CNTN5: variants seen among roughly 807,000 people sequenced by gnomAD.
CNTN5 encodes the protein contactin-5.
A neutral mutation model predicts 129.1 loss-of-function variants in CNTN5; 77 were observed. The ratio of observed to expected loss-of-function variants is 0.60; its 90% CI spans 0.50 to 0.72. CNTN5 has a LOEUF of 0.72. CNTN5 is among the 30% of genes least tolerant of loss of function. The probability of loss-of-function intolerance (pLI) is 0.00; values close to 1 mark genes in which losing one functional copy is unlikely to be tolerated. For missense variants in CNTN5, 1,478 were observed against 1,328.8 expected, an observed-to-expected ratio of 1.11 and a Z score of -1.75; for synonymous variants, 509 against 465.6, an observed-to-expected ratio of 1.09 and a Z score of -1.20.
At chr11:99,621,970 T>C (rs1292231220) in intron 3 of CNTN5, among the ~76,000 whole-genome samples, 1 of 152,174 alleles carries the variant, frequency 6.6e-6, no homozygotes, top group Non-Finnish European at 1.5e-5. Context: ...GACTGAATTC[T>C]CTAACATCAT....
At chr11:100,239,762 C>T (rs1949697702) in intron 16 of CNTN5, among the ~76,000 whole-genome samples, 1 of 152,060 alleles carries the variant, frequency 6.6e-6, no homozygotes. Context: ...GACAAACATA[C>T]AAAATCTCAA....
chr11:100,096,423 G>A (rs980530657), intron 13 of CNTN5, among the ~76,000 whole-genome samples: 2 of 151,970 alleles, frequency 1.3e-5, no homozygotes, highest in African/African-American at 2.4e-5. Flanking sequence ...CGTATTCTGG[G>A]ATAGTCCGTC....
At position 100,255,808 on chromosome 11, in the gene CNTN5, G is replaced by A. The variant is rs755580163; in HGVS notation, c.2054G>A (p.Ser685Asn). 3.7e-6 allele frequency: 6 copies of A among 1,613,890 alleles called. No homozygotes were observed. Among genetic ancestry groups the A allele is most frequent in the Admixed American group, 1.7e-5 (1 of 60,014 alleles). The change falls in exon 17 of 25, where the codon AGT becomes AAT. Residue 685 changes from serine (S) to asparagine (N), a missense_variant. Coordinates refer to ENST00000524871, the MANE Select transcript of CNTN5 (RefSeq NM_014361.4). ...GIVIVEEITE[S>N]TATLSWSPAA... ...GTAATTGTTGAGGAAATAACCGAAA[G>A]TACGGCCACACTGTCCTGGAGCCCA... is the stretch of plus-strand genomic sequence containing the variant.
At chr11:99,996,617 C>T (rs1045564109) in intron 8 of CNTN5, among the ~76,000 whole-genome samples, 1 of 152,058 alleles carries the variant, frequency 6.6e-6, no homozygotes, top group East Asian at 1.9e-4. Flanking sequence ...CTTATGATCT[C>T]CTCAAATATG....
intron 9 of CNTN5, among the ~76,000 whole-genome samples, chr11:100,052,025 T>C (rs1345574139): frequency 6.6e-6 from 1 of 151,952 alleles, no homozygotes; most frequent in East Asian, 1.9e-4. Flanking sequence ...GAAGAAATTA[T>C]ATAACGTGGC....
chr11:100,021,891 G>A (rs1432706703), intron 9 of CNTN5, among the ~76,000 whole-genome samples: 2 of 152,112 alleles, frequency 1.3e-5, no homozygotes, highest in African/African-American at 4.8e-5. Context: ...CAAAGAACTT[G>A]GAGTCTGATG....
intron 3 of CNTN5, among the ~76,000 whole-genome samples, chr11:99,753,133 T>TTTTTA: frequency 6.9e-6 from 1 of 144,760 alleles, no homozygotes; most frequent in South Asian, 2.3e-4. Flanking sequence ...TTTTTTTTTT[T>TTTTTA]TTTTTTTGAG....
chr11:99,489,419 A>ATT lies in CNTN5; in HGVS notation c.-70-66724_-70-66723dup, dbSNP rs557484310. Among the ~76,000 whole-genome samples the ATT allele has an allele frequency of 3.7e-3, 562 of 152,298 alleles. 4 individuals carry two copies. Among genetic ancestry groups the ATT allele is most frequent in the African/African-American group, 0.013 (543 of 41,570 alleles). ...GATTCCCCTAAAGATTTAGAGCACCATTTAGTATTTTACAGCACCAGGCTT... is the reference window on the plus strand; with the variant it reads ...GATTCCCCTAAAGATTTAGAGCACCATTTTTAGTATTTTACAGCACCAGGCTT... On this transcript the variant is annotated intron_variant, in intron 2 of 24. Coordinates refer to ENST00000524871, the MANE Select transcript of CNTN5 (RefSeq NM_014361.4).
intron 13 of CNTN5, among the ~76,000 whole-genome samples, chr11:100,127,095 AT>A (rs5794039): frequency 0.36 from 30,801 of 85,492 alleles, 5,871 homozygotes; most frequent in East Asian, 0.6. Context: ...TGCGCAGCTA[AT>A]TTTTTTTTTT....
chr11:99,969,629 T>G (rs1311506136), intron 8 of CNTN5, among the ~76,000 whole-genome samples: 2 of 152,168 alleles, frequency 1.3e-5, no homozygotes, highest in African/African-American at 4.8e-5. Flanking sequence ...TGTCTCAGCC[T>G]TCATTATTCT....
chr11:99,243,743 T>A (rs1390086438), intron 1 of CNTN5, among the ~76,000 whole-genome samples: 2 of 150,976 alleles, frequency 1.3e-5, no homozygotes, highest in East Asian at 1.9e-4. Context: ...CTTATTTTTT[T>A]TTTTTTTTTT....
chr11:99,894,208 T>G (rs1312645481), intron 6 of CNTN5, among the ~76,000 whole-genome samples: 1 of 152,150 alleles, frequency 6.6e-6, no homozygotes, highest in Non-Finnish European at 1.5e-5. Flanking sequence ...CATTTCAACC[T>G]GGTGCTTCAT....
chr11:99,148,152 T>C (rs1220557518), intron 1 of CNTN5, among the ~76,000 whole-genome samples: 1 of 152,162 alleles, frequency 6.6e-6, no homozygotes, highest in Non-Finnish European at 1.5e-5. Context: ...TATTTGAGCA[T>C]GTTCTCTTGT....
At chr11:99,996,368 C>T (rs117896115) in intron 8 of CNTN5, among the ~76,000 whole-genome samples, 2,946 of 152,284 alleles carry the variant, frequency 0.019, 46 homozygotes, top group Middle Eastern at 0.037. Context: ...AGCTCCAAAA[C>T]AGATTAAAGT....
At chr11:99,856,834 C>G (rs1007537518) in intron 6 of CNTN5, among the ~76,000 whole-genome samples, 1 of 152,122 alleles carries the variant, frequency 6.6e-6, no homozygotes, top group Non-Finnish European at 1.5e-5. Flanking sequence ...CCAGATTTCT[C>G]TATAATTATT....
At chr11:99,649,231 G>T (rs779091889) in intron 3 of CNTN5, among the ~76,000 whole-genome samples, 4 of 151,326 alleles carry the variant, frequency 2.6e-5, no homozygotes, top group African/African-American at 4.8e-5. Context: ...AAATTATTTC[G>T]CATGTTTATA....
intron 1 of CNTN5, among the ~76,000 whole-genome samples, chr11:99,076,604 A>G (rs1865587912): frequency 6.6e-6 from 1 of 152,168 alleles, no homozygotes; most frequent in East Asian, 1.9e-4. Flanking sequence ...CTTTTTAAAA[A>G]ATAGATTAAA....
chr11:99,261,460 TTTTG>T (rs2135824499), intron 1 of CNTN5, among the ~76,000 whole-genome samples: 1 of 152,128 alleles, frequency 6.6e-6, no homozygotes, highest in African/African-American at 2.4e-5. Flanking sequence ...TCTGAATGTG[TTTTG>T]TTTATCTATA....
At chr11:99,910,858 C>A (rs932505847) in intron 6 of CNTN5, among the ~76,000 whole-genome samples, 1 of 151,842 alleles carries the variant, frequency 6.6e-6, no homozygotes, top group African/African-American at 2.4e-5. Flanking sequence ...GCATGGAATG[C>A]AAAAAAATTT....
Sources: gnomAD v4.1 joint callset for allele counts (sites outside exome capture counted in the v4.1 genomes callset) on GRCh38, gnomAD v4.1.1 for gene constraint, MANE v1.5 for transcripts, NCBI Gene and HGNC (gene_info 2026-07-23, HGNC 2026-07-21) for gene names.